Variants in SASH1 observed in about 807,000 individuals in gnomAD.
SASH1 encodes the protein SAM and SH3 domain-containing protein 1.
A neutral mutation model predicts 125.2 loss-of-function variants in SASH1; 44 were observed. The observed-to-expected ratio is 0.35, with a 90% CI of 0.28 to 0.45. The LOEUF is 0.45. SASH1 is among the 20% of genes least tolerant of loss of function. The probability of loss-of-function intolerance (pLI) is 1.00; values close to 1 mark genes in which losing one functional copy is unlikely to be tolerated. For synonymous variants in SASH1, 639 were observed against 649.1 expected, an observed-to-expected ratio of 0.98 and a Z score of 0.24; for missense variants, 1,426 against 1,614.5, an observed-to-expected ratio of 0.88 and a Z score of 2.00.
intron 1 of SASH1, among the ~76,000 whole-genome samples, chr6:148,334,217 G>A (rs1427178109): frequency 7.2e-6 from 1 of 139,378 alleles, no homozygotes; most frequent in Non-Finnish European, 1.6e-5. Context: ...GAGGTCAGGA[G>A]ATCGAGACCA....
At chr6:148,418,094 T>A (rs1351936307) in intron 2 of SASH1, among the ~76,000 whole-genome samples, 1 of 152,196 alleles carries the variant, frequency 6.6e-6, no homozygotes, top group East Asian at 1.9e-4. Context: ...TTGGGGCTTA[T>A]GAGGTATATA....
At chr6:148,350,679 CA>C (rs1781697711) in intron 1 of SASH1, among the ~76,000 whole-genome samples, 1 of 152,172 alleles carries the variant, frequency 6.6e-6, no homozygotes, top group Non-Finnish European at 1.5e-5. Flanking sequence ...GTGGTTGACA[CA>C]CATTCTTGGC....
chr6:148,276,121 G>C (rs1387591973), intron 1 of SASH1, among the ~76,000 whole-genome samples: 1 of 152,166 alleles, frequency 6.6e-6, no homozygotes, highest in African/African-American at 2.4e-5. Flanking sequence ...CTGATTTCCA[G>C]TTGTGTGGTC....
chr6:148,487,017 T>A lies in SASH1; in HGVS notation c.628-597T>A, dbSNP rs1346315328. 5.3e-4 allele frequency among the ~76,000 whole-genome samples: 58 copies of A among 108,816 alleles called. 2 individuals carry two copies. The highest frequency in any genetic ancestry group is 6.7e-4 in the Non-Finnish European group (34 of 50,572). The allele number at this position is 108,816 out of a possible 152,430, so 71.4% of individuals were successfully genotyped here. ...TATGTATTTGCTTATATATATGTTTTTATATATATATTTGTTATATATATT... is the reference window on the plus strand; with the variant it reads ...TATGTATTTGCTTATATATATGTTTATATATATATATTTGTTATATATATT... On this transcript the variant is annotated intron_variant, in intron 7 of 19. Coordinates refer to ENST00000367467, the MANE Select transcript of SASH1 (RefSeq NM_015278.5).
rs10710533 is a variant in SASH1, at chr6:148,514,458, T to TA, written c.862+30dup. 18,892 of 571,562 alleles carry TA rather than the reference T, an allele frequency of 0.033. 910 individuals are homozygous for TA. Among genetic ancestry groups the TA allele is most frequent in the Admixed American group, 0.063 (399 of 6,340 alleles). 35.4% of individuals were successfully genotyped at this position (571,562 alleles called of 1,614,324 possible). Reference sequence around the variant, plus strand: ...AAATGAAAAAACCCAGCACTGAAGGTAAAAAAAAAAAAAAAAAAAAAAAAA... The same window carrying TA: ...AAATGAAAAAACCCAGCACTGAAGGTAAAAAAAAAAAAAAAAAAAAAAAAAA... On this transcript the variant is annotated splice_region_variant and intron_variant, in intron 9 of 19. Coordinates refer to ENST00000367467, the MANE Select transcript of SASH1 (RefSeq NM_015278.5).
intron 1 of SASH1, among the ~76,000 whole-genome samples, chr6:148,274,927 C>T (rs2128503557): frequency 6.6e-6 from 1 of 152,218 alleles, no homozygotes; most frequent in South Asian, 2.1e-4. Context: ...CTTGCCCTGC[C>T]CCTCCTCTAA....
Position 148,549,142 on chromosome 6 carries a change from T to A in SASH1, c.*584T>A, listed in dbSNP as rs1782748684. The A allele has an allele frequency of 1.9e-5, 3 of 157,688 alleles. No individual in the cohort carries two copies. In the South Asian group the frequency reaches 6.2e-4, roughly 32 times the overall value. The allele number at this position is 157,688 out of a possible 1,614,324, so 9.8% of individuals were successfully genotyped here. ...TCATAATTGCTTTCTAGCAATCAGC[T>A]TTTATTTGCCTTAATATAAGCTTTT... On this transcript the variant is annotated 3_prime_UTR_variant, in exon 20 of 20. Coordinates refer to ENST00000367467, the MANE Select transcript of SASH1 (RefSeq NM_015278.5).
At chr6:148,253,890 C>T in the SASH1 span, among the ~76,000 whole-genome samples, 9 of 151,410 alleles carry the variant, frequency 5.9e-5, no homozygotes, top group South Asian at 1.5e-3. Context: ...TAAATAAATA[C>T]ATTTAATAAA....
chr6:148,505,742 A>G (rs553820317), intron 8 of SASH1, among the ~76,000 whole-genome samples: 13 of 152,042 alleles, frequency 8.6e-5, no homozygotes, highest in Middle Eastern at 3.4e-3. Flanking sequence ...GGTTCAAGCA[A>G]TTCTCCTGCT....
intron 4 of SASH1, among the ~76,000 whole-genome samples, chr6:148,442,299 C>T (rs1003939905): frequency 6.6e-6 from 1 of 151,180 alleles, no homozygotes; most frequent in Non-Finnish European, 1.5e-5. Flanking sequence ...CCCAGCTACT[C>T]GTGAGGCTGA....
chr6:148,491,123 C>A (rs1342989464), intron 8 of SASH1, among the ~76,000 whole-genome samples: 1 of 152,162 alleles, frequency 6.6e-6, no homozygotes, highest in Non-Finnish European at 1.5e-5. Context: ...AAAGAATTAT[C>A]CTAGAATATC....
chr6:148,235,984 T>C, the SASH1 span, among the ~76,000 whole-genome samples: 1 of 152,210 alleles, frequency 6.6e-6, no homozygotes, highest in East Asian at 1.9e-4. Flanking sequence ...GTTCAAGGAC[T>C]CTGAAGGACC....
chr6:148,548,303 T>A lies in SASH1; in HGVS notation c.3489T>A (p.Ser1163Arg). Residue 1163 changes from serine to arginine, a missense_variant, in exon 20 of 20, where the codon AGT becomes AGA. Ser to Arg is a moderately radical substitution (Grantham distance 110, BLOSUM62 -1). This residue lies in a region of SASH1 where 634 missense variants were observed against 694.4 expected (regional missense o/e 0.91). Coordinates refer to ENST00000367467, the MANE Select transcript of SASH1 (RefSeq NM_015278.5). ...LRKQHRMAIP[S>R]GGLTEICRKP... is the part of the protein sequence containing the mutation. ...TTTCTTAATTTATCCAGATTCCAAG[T>A]GGTGGACTCACGGAAATCTGCCGAA... 6.2e-7 allele frequency: 1 copy of A among 1,611,732 alleles called. No homozygotes were observed. Among genetic ancestry groups the A allele is most frequent in the Non-Finnish European group, 8.5e-7 (1 of 1,178,798 alleles).
chr6:148,455,072 G>C (rs1183390662), intron 4 of SASH1, among the ~76,000 whole-genome samples: 2 of 152,198 alleles, frequency 1.3e-5, no homozygotes, highest in African/African-American at 4.8e-5. Context: ...TTGGATACAA[G>C]GAGGGAATGG....
chr6:148,396,318 A>G (rs1183414155), intron 2 of SASH1, among the ~76,000 whole-genome samples: 1 of 151,812 alleles, frequency 6.6e-6, no homozygotes, highest in African/African-American at 2.4e-5. Context: ...ATCTCTACCA[A>G]AAACACAAAA....
chr6:148,456,000 C>A (rs1777325553), intron 4 of SASH1, among the ~76,000 whole-genome samples: 1 of 152,274 alleles, frequency 6.6e-6, no homozygotes, highest in Admixed American at 6.5e-5. Flanking sequence ...GCCCCACATC[C>A]CTCCAGGGTC....
At chr6:148,323,909 G>T (rs981464326) in intron 1 of SASH1, among the ~76,000 whole-genome samples, 31 of 151,850 alleles carry the variant, frequency 2.0e-4, no homozygotes, top group Admixed American at 2.0e-3. Flanking sequence ...GGAGGATCAC[G>T]AGGTCAGGAG....
chr6:148,461,173 A>G (rs112870719), intron 4 of SASH1, among the ~76,000 whole-genome samples: 1 of 152,184 alleles, frequency 6.6e-6, no homozygotes, highest in African/African-American at 2.4e-5. Flanking sequence ...AAAGACAGTC[A>G]AGGCTTAGAT....
chr6:148,407,991 A>C (rs538982326), intron 2 of SASH1, among the ~76,000 whole-genome samples: 75 of 152,222 alleles, frequency 4.9e-4, no homozygotes, highest in African/African-American at 1.7e-3. Context: ...TCCTACCAGC[A>C]GGGAGGGAAC....
Sources: gnomAD v4.1 joint callset for allele counts (sites outside exome capture counted in the v4.1 genomes callset) on GRCh38, gnomAD v4.1.1 for gene constraint, gnomAD v4.1.1 regional missense constraint, MANE v1.5 for transcripts, NCBI Gene and HGNC (gene_info 2026-07-23, HGNC 2026-07-21) for gene names.